Variants in SDHAF2 observed in about 807,000 individuals in gnomAD.
The protein encoded by SDHAF2 is succinate dehydrogenase assembly factor 2, mitochondrial.
SDHAF2 carries 21 observed loss-of-function variants against 18.5 expected under a neutral mutation model. The ratio of observed to expected loss-of-function variants is 1.13; its 90% CI spans 0.80 to 1.63. SDHAF2 has a LOEUF of 1.63. Among genes scored for constraint, SDHAF2 ranks in the 40% most tolerant of loss-of-function variants. The probability of loss-of-function intolerance (pLI) is 0.00; values close to 1 mark genes in which losing one functional copy is unlikely to be tolerated. For synonymous variants in SDHAF2, 84 were observed against 70.7 expected, an observed-to-expected ratio of 1.19 and a Z score of -0.94; for missense variants, 195 against 200.3, an observed-to-expected ratio of 0.97 and a Z score of 0.16.
chr11:61,434,591 C>CTTTTTTT (rs549764688), intron 1 of SDHAF2: 8 of 118,956 alleles, frequency 6.7e-5, no homozygotes, highest in African/African-American at 2.6e-4. Flanking sequence ...CTTCTCATTC[C>CTTTTTTT]TTTTTTTTTT....
chr11:61,446,000 G>C lies in SDHAF2; in HGVS notation c.430G>C (p.Ala144Pro), dbSNP rs572576746. Reference protein sequence around the residue: ...NEVMALLRDFAKNKNKEQRLR... With the variant: ...NEVMALLRDFPKNKNKEQRLR... The stretch of plus-strand genomic sequence containing the variant: ...AGTCATGGCCCTGCTGAGAGACTTT[G>C]CTAAAAACAAAAACAAAGAGCAGAG... The change falls in exon 4 of 4, where the codon GCT becomes CCT. Residue 144 changes from alanine (A) to proline (P), a missense_variant. Coordinates refer to ENST00000301761, the MANE Select transcript of SDHAF2 (RefSeq NM_017841.4). 1 of 1,614,180 alleles carries C rather than the reference G, an allele frequency of 6.2e-7. No homozygotes were observed. Among genetic ancestry groups the C allele is most frequent in the Admixed American group, 1.7e-5 (1 of 60,026 alleles).
intron 2 of SDHAF2, 35 bp from the exon 3 acceptor site, chr11:61,437,969 C>A: frequency 6.3e-7 from 1 of 1,599,662 alleles, no homozygotes; most frequent in South Asian, 1.1e-5. Flanking sequence ...ACAGCCTTCT[C>A]AACCTCTTTT....
At position 61,438,441 on chromosome 11, in the gene SDHAF2, C is replaced by A. The variant is rs548048960; in HGVS notation, c.370+328C>A. 1.9e-5 allele frequency: 7 copies of A among 374,926 alleles called. No homozygotes were observed. The East Asian group carries it at 2.7e-4, about 15-fold the overall frequency. The allele number at this position is 374,926 out of a possible 1,614,324, so 23.2% of individuals were successfully genotyped here. On this transcript the variant is annotated intron_variant, in intron 3 of 3. Coordinates refer to ENST00000301761, the MANE Select transcript of SDHAF2 (RefSeq NM_017841.4). Reference sequence around the variant, plus strand: ...CTCGAACTCCTGACCTCAGGTGATCCGCCCGCCTCGGCCTCCCAAAATCCT... The same window carrying A: ...CTCGAACTCCTGACCTCAGGTGATCAGCCCGCCTCGGCCTCCCAAAATCCT...
At position 61,430,132 on chromosome 11, in the gene SDHAF2, G is replaced by A. The variant is rs1038449862; in HGVS notation, c.-15G>A. ...GAAGTGCCCGCGCAGCCGGTTTCCGGTGCAGGTGGGGAAAATGGCGGTGTC... is the reference window on the plus strand; with the variant it reads ...GAAGTGCCCGCGCAGCCGGTTTCCGATGCAGGTGGGGAAAATGGCGGTGTC... On this transcript the variant is annotated 5_prime_UTR_variant, in exon 1 of 4. In the 5' UTR this introduces an upstream ATG that the reference lacks. Coordinates refer to ENST00000301761, the MANE Select transcript of SDHAF2 (RefSeq NM_017841.4). The A allele has an allele frequency of 6.2e-7, 1 of 1,614,176 alleles. No individual in the cohort carries two copies.
At chr11:61,445,167 A>G (rs930479459) in intron 3 of SDHAF2, among the ~76,000 whole-genome samples, 1 of 152,140 alleles carries the variant, frequency 6.6e-6, no homozygotes. Context: ...TGGAAGGGTA[A>G]TTCTGGAGCA....
chr11:61,445,999 T>C lies in SDHAF2; in HGVS notation c.429T>C (p.Phe143=). ...AAGTCATGGCCCTGCTGAGAGACTT[T>C]GCTAAAAACAAAAACAAAGAGCAGA... ...ENEVMALLRD[F]AKNKNKEQRL... The change falls in exon 4 of 4, where the codon TTT becomes TTC. Residue 143 remains phenylalanine (F), a synonymous_variant. Coordinates refer to ENST00000301761, the MANE Select transcript of SDHAF2 (RefSeq NM_017841.4). The C allele has an allele frequency of 6.2e-7, 1 of 1,614,180 alleles. No homozygotes were observed. Among genetic ancestry groups the C allele is most frequent in the South Asian group, 1.1e-5 (1 of 91,080 alleles).
At chr11:61,436,595 CAGGT>C (rs1483193695) in intron 1 of SDHAF2, among the ~76,000 whole-genome samples, 4 of 152,208 alleles carry the variant, frequency 2.6e-5, no homozygotes, top group African/African-American at 9.6e-5. Flanking sequence ...CTTTCTGTCT[CAGGT>C]AGAAGCTAGG....
At chr11:61,431,314 CGCCCG>C (rs1395589746) in intron 1 of SDHAF2, 1 of 152,272 alleles carries the variant, frequency 6.6e-6, no homozygotes, top group Non-Finnish European at 1.5e-5. Flanking sequence ...TGAGCCACCG[CGCCCG>C]GCCTGTTGTT....
At chr11:61,438,167 T>G (rs1409272400) in intron 3 of SDHAF2, 54 bp downstream of exon 3, 1 of 1,359,008 alleles carries the variant, frequency 7.4e-7, no homozygotes, top group African/African-American at 1.4e-5. Flanking sequence ...TAGGCTGATT[T>G]GAGTCTAGAA....
chr11:61,437,816 G>A lies in SDHAF2; in HGVS notation c.228G>A (p.Lys76=), dbSNP rs2134892475. The change falls in exon 2 of 4, where the codon AAG becomes AAA. Residue 76 remains lysine, a synonymous_variant. Coordinates refer to ENST00000301761, the MANE Select transcript of SDHAF2 (RefSeq NM_017841.4). ...KRARLLYESR[K]RGMLENCILL... ...CCCGCCTGCTCTATGAGAGCAGAAA[G>A]AGGGGAATGTTGGAAAACTGCATTC... 6.2e-7 allele frequency: 1 copy of A among 1,614,016 alleles called. No homozygotes were observed. The highest frequency in any genetic ancestry group is 8.5e-7 in the Non-Finnish European group (1 of 1,180,030).
At chr11:61,442,466 C>A (rs558888298) in intron 3 of SDHAF2, among the ~76,000 whole-genome samples, 1 of 152,160 alleles carries the variant, frequency 6.6e-6, no homozygotes, top group African/African-American at 2.4e-5. Flanking sequence ...TATGTGTCTT[C>A]TCTTTCTGAA....
chr11:61,437,948 T>G (rs1363561515), intron 2 of SDHAF2, 56 bp from the exon 3 acceptor site: 18 of 1,584,966 alleles, frequency 1.1e-5, no homozygotes, highest in Non-Finnish European at 1.6e-5. Context: ...GTCACTTCTC[T>G]TTTATTAGAC....
intron 3 of SDHAF2, among the ~76,000 whole-genome samples, chr11:61,445,115 G>A (rs1264159092): frequency 6.6e-6 from 1 of 152,154 alleles, no homozygotes; most frequent in African/African-American, 2.4e-5. Flanking sequence ...ATCTGACTTG[G>A]TTTTGAGGAA....
At chr11:61,437,228 C>T (rs1862004258) in intron 1 of SDHAF2, among the ~76,000 whole-genome samples, 2 of 152,094 alleles carry the variant, frequency 1.3e-5, no homozygotes, top group African/African-American at 4.8e-5. Flanking sequence ...GGGTCCGTTG[C>T]CCAGGCTGGA....
In SDHAF2 at chr11:61,446,513, A is replaced by C; in HGVS notation, c.*442A>C. 2 of 490,478 alleles carry C rather than the reference A, an allele frequency of 4.1e-6. No homozygotes were observed. Among genetic ancestry groups the C allele is most frequent in the African/African-American group, 3.9e-5 (2 of 51,620 alleles). 30.4% of individuals were successfully genotyped at this position (490,478 alleles called of 1,614,324 possible). A position where few individuals can be genotyped will look rare whatever the true frequency, so the allele number is the denominator to read the frequency against. On this transcript the variant is annotated 3_prime_UTR_variant, in exon 4 of 4. Transcript: ENST00000301761. ...TGGCCCAGGGCTTTGTTGAAGTGGAACTCCCCACTTCCAACCTGGTATGGC... is the reference window on the plus strand; with the variant it reads ...TGGCCCAGGGCTTTGTTGAAGTGGACCTCCCCACTTCCAACCTGGTATGGC...
chr11:61,436,805 G>A, intron 1 of SDHAF2: 1 of 1,075,228 alleles, frequency 9.3e-7, no homozygotes. Context: ...CTCCATCGGG[G>A]AAGGAGGATC....
At chr11:61,437,903 G>C in intron 2 of SDHAF2, 55 bp downstream of exon 2, 1 of 1,572,686 alleles carries the variant, frequency 6.4e-7, no homozygotes, top group Non-Finnish European at 8.7e-7. Flanking sequence ...AGCCAGAGTA[G>C]GTTCAGAGAG....
In SDHAF2 at chr11:61,446,688, T is replaced by C. The variant is rs2134902982; in HGVS notation, c.*617T>C. On this transcript the variant is annotated 3_prime_UTR_variant, in exon 4 of 4. Coordinates refer to ENST00000301761, the MANE Select transcript of SDHAF2 (RefSeq NM_017841.4). ...ATTGGGCTTTCTTTAAAACGTGCAC[T>C]TTGTAATTTGAAAGAGAATTATTAA... 2 of 399,492 alleles carry C rather than the reference T, an allele frequency of 5.0e-6. No individual in the cohort carries two copies. Among genetic ancestry groups the C allele is most frequent in the East Asian group, 7.1e-5 (2 of 28,092 alleles). 24.7% of individuals were successfully genotyped at this position (399,492 alleles called of 1,614,324 possible).
intron 3 of SDHAF2, among the ~76,000 whole-genome samples, chr11:61,443,977 T>G (rs1862104093): frequency 6.6e-6 from 1 of 152,072 alleles, no homozygotes; most frequent in African/African-American, 2.4e-5. Flanking sequence ...GTTTCACCGT[T>G]TTAGCCAGGA....
Sources: gnomAD v4.1 joint callset for allele counts (sites outside exome capture counted in the v4.1 genomes callset) on GRCh38, gnomAD v4.1.1 for gene constraint, MANE v1.5 for transcripts, NCBI Gene and HGNC (gene_info 2026-07-23, HGNC 2026-07-21) for gene names.